SCMH1: variants seen among roughly 807,000 people sequenced by gnomAD.
SCMH1 encodes polycomb protein SCMH1.
Under a neutral mutation model 70.8 loss-of-function variants are expected in SCMH1, and 37 were observed. The ratio of observed to expected loss-of-function variants is 0.52; its 90% CI spans 0.40 to 0.69. The LOEUF (loss-of-function observed/expected upper bound fraction) is 0.69. Among genes scored for constraint, SCMH1 ranks in the 30% least tolerant of loss-of-function variants. SCMH1 has a pLI of 0.00. For synonymous variants in SCMH1, 292 were observed against 307.4 expected, an observed-to-expected ratio of 0.95 and a Z score of 0.52; for missense variants, 607 against 827.3, an observed-to-expected ratio of 0.73 and a Z score of 3.27.
At chr1:41,217,712 G>A (rs1415426485) in intron 1 of SCMH1, among the ~76,000 whole-genome samples, 2 of 152,194 alleles carry the variant, frequency 1.3e-5, no homozygotes, top group African/African-American at 4.8e-5. Context: ...ATGATATGCA[G>A]GACGACTGGC....
chr1:41,055,740 G>C (rs1158735406), intron 10 of SCMH1, among the ~76,000 whole-genome samples: 2 of 152,176 alleles, frequency 1.3e-5, no homozygotes, highest in Non-Finnish European at 2.9e-5. Context: ...CTGTGTGTTA[G>C]GTAGGTAGTG....
At chr1:41,082,438 A>G (rs908505332) in intron 8 of SCMH1, among the ~76,000 whole-genome samples, 1 of 152,200 alleles carries the variant, frequency 6.6e-6, no homozygotes, top group Non-Finnish European at 1.5e-5. Flanking sequence ...AGAATTTTCA[A>G]CCCAGGATTT....
At chr1:41,108,315 C>T (rs769554656) in intron 8 of SCMH1, among the ~76,000 whole-genome samples, 9 of 152,186 alleles carry the variant, frequency 5.9e-5, no homozygotes, top group African/African-American at 1.2e-4. Flanking sequence ...TGTTGTCTCG[C>T]TGCTATCAAT....
At chr1:41,102,944 A>G (rs12744355) in intron 8 of SCMH1, among the ~76,000 whole-genome samples, 1 of 152,058 alleles carries the variant, frequency 6.6e-6, no homozygotes, top group Admixed American at 6.6e-5. Flanking sequence ...CCTTCTTGCC[A>G]TATCACCCTC....
intron 1 of SCMH1, among the ~76,000 whole-genome samples, chr1:41,216,716 C>T (rs1228705339): frequency 2.0e-5 from 3 of 152,160 alleles, no homozygotes; most frequent in Admixed American, 1.3e-4. Flanking sequence ...AGACAAATGG[C>T]AGGAAAATCT....
intron 6 of SCMH1, among the ~76,000 whole-genome samples, chr1:41,132,473 A>C (rs1443008491): frequency 6.6e-6 from 1 of 152,048 alleles, no homozygotes; most frequent in Non-Finnish European, 1.5e-5. Context: ...AGATTGCAAA[A>C]ATTTCCTCCT....
At chr1:41,163,547 A>C (rs757048403) in intron 2 of SCMH1, among the ~76,000 whole-genome samples, 5 of 152,198 alleles carry the variant, frequency 3.3e-5, no homozygotes, top group Non-Finnish European at 7.3e-5. Context: ...GAGGTCACTA[A>C]GGTGGTCGCT....
intron 10 of SCMH1, among the ~76,000 whole-genome samples, chr1:41,052,893 G>A (rs185135097): frequency 6.8e-6 from 1 of 148,070 alleles, no homozygotes; most frequent in Non-Finnish European, 1.5e-5. Context: ...TCACATGGGT[G>A]CTTAAAACTC....
At chr1:41,116,572 TTC>T (rs1670520122) in intron 7 of SCMH1, among the ~76,000 whole-genome samples, 1 of 152,216 alleles carries the variant, frequency 6.6e-6, no homozygotes, top group Admixed American at 6.5e-5. Flanking sequence ...TCTCCTTCTT[TTC>T]TCTGTTTAGA....
chr1:41,049,449 T>C (rs1222324530), intron 10 of SCMH1, among the ~76,000 whole-genome samples: 2 of 150,894 alleles, frequency 1.3e-5, no homozygotes, highest in Non-Finnish European at 3.0e-5. Flanking sequence ...AAGAATATAA[T>C]AAAAATTTTA....
chr1:41,199,281 T>G (rs1653737397), intron 1 of SCMH1, among the ~76,000 whole-genome samples: 1 of 152,124 alleles, frequency 6.6e-6, no homozygotes, highest in Non-Finnish European at 1.5e-5. Context: ...CCAATAAATA[T>G]CCCCTGTGCC....
At chr1:41,133,963 T>C (rs1197528349) in intron 6 of SCMH1, among the ~76,000 whole-genome samples, 5 of 152,116 alleles carry the variant, frequency 3.3e-5, no homozygotes, top group Non-Finnish European at 1.5e-5. Flanking sequence ...TACCAAAGCG[T>C]AGCAGAGACA....
chr1:41,049,034 G>A (rs890931899), intron 10 of SCMH1, 144 bp from the exon 11 acceptor site: 8 of 759,184 alleles, frequency 1.1e-5, no homozygotes, highest in Admixed American at 3.0e-5. Context: ...TGCTGTGGGA[G>A]GTAGAGGGTG....
chr1:41,052,323 T>TA (rs1434649921), intron 10 of SCMH1, among the ~76,000 whole-genome samples: 1 of 152,240 alleles, frequency 6.6e-6, no homozygotes, highest in Non-Finnish European at 1.5e-5. Context: ...ACAGTGGCAT[T>TA]AAATCCTCAC....
intron 1 of SCMH1, among the ~76,000 whole-genome samples, chr1:41,236,687 T>C (rs1268498695): frequency 1.4e-5 from 2 of 143,696 alleles, no homozygotes; most frequent in Non-Finnish European, 3.1e-5. Flanking sequence ...AAATCATATT[T>C]GCATATGATC....
chr1:41,146,277 GTATTAT>G (rs955165296), intron 5 of SCMH1, among the ~76,000 whole-genome samples: 1 of 151,798 alleles, frequency 6.6e-6, no homozygotes. Context: ...TTCAAGCTAA[GTATTAT>G]TATAAGAGTC....
intron 5 of SCMH1, among the ~76,000 whole-genome samples, chr1:41,147,051 T>C (rs1169897059): frequency 6.6e-6 from 1 of 152,186 alleles, no homozygotes; most frequent in Non-Finnish European, 1.5e-5. Context: ...TTCTACATCT[T>C]TGCCACTATT....
At chr1:41,187,993 A>C (rs1290572747) in intron 1 of SCMH1, among the ~76,000 whole-genome samples, 2 of 152,050 alleles carry the variant, frequency 1.3e-5, no homozygotes, top group African/African-American at 4.8e-5. Flanking sequence ...AAAATAAATA[A>C]ATAAATAAAA....
chr1:41,184,008 G>T (rs983206978), intron 2 of SCMH1, among the ~76,000 whole-genome samples: 4 of 152,166 alleles, frequency 2.6e-5, no homozygotes, highest in African/African-American at 9.7e-5. Context: ...AAGTTCTAGA[G>T]ATTGATGGTG....
Sources: allele counts gnomAD v4.1 joint callset (sites outside exome capture counted in the v4.1 genomes callset), GRCh38; gene constraint gnomAD v4.1.1; transcripts MANE v1.5; gene names NCBI Gene and HGNC (gene_info 2026-07-23, HGNC 2026-07-21).